The following MLLT3 variants were observed in gnomAD, a reference collection of about 807,000 sequenced individuals.
The protein encoded by MLLT3 is MLLT3 super elongation complex subunit, also known as protein AF-9.
Under a neutral mutation model 53.2 loss-of-function variants are expected in MLLT3, and 4 were observed. The ratio of observed to expected loss-of-function variants is 0.08; its 90% CI spans 0.04 to 0.17. The LOEUF is 0.17. Ranked by LOEUF, MLLT3 falls within the 10% of genes least tolerant of loss-of-function variation. The pLI, the probability that MLLT3 is intolerant of heterozygous loss-of-function variation, is 1.00. For missense variants in MLLT3, 569 were observed against 684.0 expected, an observed-to-expected ratio of 0.83 and a Z score of 1.87; for synonymous variants, 283 against 230.6, an observed-to-expected ratio of 1.23 and a Z score of -2.06.
chr9:20,493,477 G>T (rs768811216), intron 2 of MLLT3, among the ~76,000 whole-genome samples: 1 of 151,926 alleles, frequency 6.6e-6, no homozygotes, highest in East Asian at 1.9e-4. Context: ...AAGTCTTTAA[G>T]GAAAGGTTTC....
At chr9:20,367,507 G>C (rs558388129) in intron 5 of MLLT3, among the ~76,000 whole-genome samples, 1 of 152,258 alleles carries the variant, frequency 6.6e-6, no homozygotes, top group Non-Finnish European at 1.5e-5. Flanking sequence ...TTCTGCCACA[G>C]TTTTTTTGAA....
At chr9:20,451,863 T>C (rs556941681) in intron 3 of MLLT3, among the ~76,000 whole-genome samples, 90 of 152,360 alleles carry the variant, frequency 5.9e-4, no homozygotes, top group African/African-American at 2.0e-3. Flanking sequence ...TCAGTGTCCC[T>C]GTTGGTTTAG....
chr9:20,622,296 CCCCCCCCTCCTCCG>C lies in MLLT3; in HGVS notation c.-54_-41del, dbSNP rs1250944967. 1 of 1,409,824 alleles carries C rather than the reference CCCCCCCCTCCTCCG, an allele frequency of 7.1e-7. No homozygotes were observed. The highest frequency in any genetic ancestry group is 1.4e-5 in the South Asian group (1 of 73,002). The allele number at this position is 1,409,824 out of a possible 1,614,324, so 87.3% of individuals were successfully genotyped here. A position where few individuals can be genotyped will look rare whatever the true frequency, so the allele number is the denominator to read the frequency against. ...AGGTTTGCTGGGGTGTTGTGTGGTACCCCCCCCTCCTCCGCCCCCCCTCAGCTGTAATTCATGAA... is the reference window on the plus strand; with the variant it reads ...AGGTTTGCTGGGGTGTTGTGTGGTACCCCCCCCTCAGCTGTAATTCATGAA... On this transcript the variant is annotated 5_prime_UTR_variant, in exon 1 of 11. Coordinates refer to ENST00000380338, the MANE Select transcript of MLLT3 (RefSeq NM_004529.4).
chr9:20,581,158 C>A (rs549714114), intron 2 of MLLT3, among the ~76,000 whole-genome samples: 15 of 152,280 alleles, frequency 9.9e-5, no homozygotes, highest in Admixed American at 3.3e-4. Flanking sequence ...TAAACTCAAT[C>A]TGTCTTAAAT....
At chr9:20,377,153 T>A (rs1821787670) in intron 5 of MLLT3, among the ~76,000 whole-genome samples, 1 of 152,176 alleles carries the variant, frequency 6.6e-6, no homozygotes. Context: ...AGTTTCCTGA[T>A]AGAACTGGCC....
At chr9:20,495,897 T>A (rs1435667123) in intron 2 of MLLT3, among the ~76,000 whole-genome samples, 1 of 152,204 alleles carries the variant, frequency 6.6e-6, no homozygotes, top group Non-Finnish European at 1.5e-5. Context: ...CAGTAGACAG[T>A]CAATGTTATA....
At chr9:20,434,620 T>A (rs904785884) in intron 4 of MLLT3, among the ~76,000 whole-genome samples, 1 of 152,180 alleles carries the variant, frequency 6.6e-6, no homozygotes, top group Non-Finnish European at 1.5e-5. Flanking sequence ...GGAATCGAAA[T>A]GCCATCCTGA....
In MLLT3 at chr9:20,555,277, T is replaced by C. The variant is rs182888909; in HGVS notation, c.193+65377A>G. 3.3e-5 allele frequency among the ~76,000 whole-genome samples: 5 copies of C among 152,316 alleles called. No individual in the cohort carries two copies. In the East Asian group the frequency reaches 9.6e-4, roughly 29 times the overall value. The stretch of plus-strand genomic sequence containing the variant: ...TTTTGGTTGAAAACACAGTTTCCTC[T>C]GTAAGTATTAGCCTCCAACCTAAAT... On this transcript the variant is annotated intron_variant, in intron 2 of 10. Coordinates refer to ENST00000380338, the MANE Select transcript of MLLT3 (RefSeq NM_004529.4).
intron 2 of MLLT3, among the ~76,000 whole-genome samples, chr9:20,479,721 G>A (rs947160116): frequency 1.3e-5 from 2 of 152,082 alleles, no homozygotes; most frequent in African/African-American, 4.8e-5. Flanking sequence ...AATAATACTT[G>A]TTTTTAAGTA....
At chr9:20,555,611 T>C (rs1819038481) in intron 2 of MLLT3, among the ~76,000 whole-genome samples, 1 of 152,194 alleles carries the variant, frequency 6.6e-6, no homozygotes, top group Non-Finnish European at 1.5e-5. Context: ...TCAACTTCCT[T>C]GTAAAATAAT....
intron 2 of MLLT3, among the ~76,000 whole-genome samples, chr9:20,472,514 C>T (rs1020960422): frequency 1.3e-5 from 2 of 152,060 alleles, no homozygotes; most frequent in South Asian, 4.2e-4. Context: ...CAAGTACTGC[C>T]CACCCCTACC....
chr9:20,472,079 C>G (rs961016306), intron 2 of MLLT3, among the ~76,000 whole-genome samples: 1 of 151,948 alleles, frequency 6.6e-6, no homozygotes, highest in African/African-American at 2.4e-5. Context: ...CTCTTATTAT[C>G]TCTCCATGGC....
In MLLT3 at chr9:20,365,685, G is replaced by C. The variant is rs1821432272; in HGVS notation, c.1185C>G (p.Ser395=). The change falls in exon 6 of 11, where the codon TCC becomes TCG. Residue 395 remains serine (S), a synonymous_variant. Transcript: ENST00000380338. ...TGTTGATACCTTGTTGCCTGGTCTG[G>C]GATGGTGTGAAGCTGGAGCTGGAGC... is the stretch of plus-strand genomic sequence containing the variant. ...SSSSSSSFTP[S]QTRQQGPLRS... is the part of the protein sequence containing the mutation. The C allele has an allele frequency of 6.2e-7, 1 of 1,614,148 alleles. No homozygotes were observed. The highest frequency in any genetic ancestry group is 8.5e-7 in the Non-Finnish European group (1 of 1,180,028).
chr9:20,596,079 C>T (rs1382638341), intron 2 of MLLT3, among the ~76,000 whole-genome samples: 1 of 152,174 alleles, frequency 6.6e-6, no homozygotes, highest in African/African-American at 2.4e-5. Context: ...TAAAAAGTCA[C>T]AAGCTTAAAT....
At chr9:20,424,372 T>C (rs1250133489) in intron 4 of MLLT3, among the ~76,000 whole-genome samples, 1 of 152,212 alleles carries the variant, frequency 6.6e-6, no homozygotes, top group Non-Finnish European at 1.5e-5. Context: ...GCAGAGCACA[T>C]GATGCTTCCA....
chr9:20,579,564 A>G (rs1819737751), intron 2 of MLLT3, among the ~76,000 whole-genome samples: 2 of 152,206 alleles, frequency 1.3e-5, no homozygotes, highest in South Asian at 4.1e-4. Flanking sequence ...CACAATTCTG[A>G]CGCATGAATA....
intron 2 of MLLT3, among the ~76,000 whole-genome samples, chr9:20,603,947 T>C (rs891565848): frequency 3.9e-5 from 6 of 152,066 alleles, no homozygotes; most frequent in African/African-American, 1.4e-4. Flanking sequence ...AGTTTTCATG[T>C]GAATAGGCAA....
intron 2 of MLLT3, among the ~76,000 whole-genome samples, chr9:20,483,933 G>A (rs186558600): frequency 0.038 from 5,683 of 151,246 alleles, 160 homozygotes; most frequent in African/African-American, 0.079. Context: ...GGATGGTCTC[G>A]ATCTCCTGAC....
chr9:20,378,473 T>A (rs762569150), intron 5 of MLLT3, among the ~76,000 whole-genome samples: 135 of 152,070 alleles, frequency 8.9e-4, no homozygotes, highest in Admixed American at 3.0e-3. Flanking sequence ...TTTATATTTA[T>A]ACTGTACACA....
Sources: allele counts gnomAD v4.1 joint callset (sites outside exome capture counted in the v4.1 genomes callset), GRCh38; gene constraint gnomAD v4.1.1; transcripts MANE v1.5; gene names NCBI Gene and HGNC (gene_info 2026-07-23, HGNC 2026-07-21).